Variants in HSDL2 observed in about 807,000 individuals in gnomAD.
HSDL2 encodes hydroxysteroid dehydrogenase like 2.
Under a neutral mutation model 46.3 loss-of-function variants are expected in HSDL2, and 27 were observed. The observed-to-expected ratio is 0.58, with a 90% CI of 0.43 to 0.80. HSDL2 has a LOEUF of 0.80. Ranked by LOEUF, HSDL2 falls within the 30% of genes least tolerant of loss-of-function variation. The probability of loss-of-function intolerance (pLI) is 0.00; values close to 1 mark genes in which losing one functional copy is unlikely to be tolerated. For missense variants in HSDL2, 451 were observed against 502.7 expected (o/e 0.90, Z 0.98); for synonymous variants, 153 against 163.6 (o/e 0.94, Z 0.50).
intron 1 of HSDL2, among the ~76,000 whole-genome samples, chr9:112,387,193 GTATA>G (rs1306719341): frequency 1.3e-5 from 2 of 151,604 alleles, no homozygotes; most frequent in African/African-American, 4.8e-5. Flanking sequence ...ATAGGTGAAA[GTATA>G]TAACCTCTGG....
intron 1 of HSDL2, among the ~76,000 whole-genome samples, chr9:112,401,147 CCTT>C (rs1326769525): frequency 3.3e-5 from 5 of 151,908 alleles, no homozygotes; most frequent in Admixed American, 2.0e-4. Flanking sequence ...TTAGATGTCT[CCTT>C]CTTACTTAGC....
chr9:112,392,224 G>T (rs986433541), intron 1 of HSDL2, among the ~76,000 whole-genome samples: 22 of 152,188 alleles, frequency 1.4e-4, no homozygotes, highest in African/African-American at 4.8e-4. Context: ...CTACTAATAA[G>T]GGTCTAACAA....
At chr9:112,470,091 G>A (rs1004309711) in intron 10 of HSDL2, among the ~76,000 whole-genome samples, 5 of 152,096 alleles carry the variant, frequency 3.3e-5, no homozygotes, top group African/African-American at 7.2e-5. Context: ...ATGAACTATC[G>A]TAAGTTGGAA....
intron 1 of HSDL2, among the ~76,000 whole-genome samples, chr9:112,386,479 C>G (rs1831219758): frequency 2.6e-5 from 4 of 151,800 alleles, no homozygotes. Flanking sequence ...ATATAAAAGT[C>G]AACAAATAAA....
intron 9 of HSDL2, among the ~76,000 whole-genome samples, chr9:112,458,850 G>A (rs1833112693): frequency 6.6e-6 from 1 of 151,638 alleles, no homozygotes; most frequent in South Asian, 2.1e-4. Flanking sequence ...GTGTGGTGGC[G>A]GGCACCTGTA....
chr9:112,403,851 T>G (rs1025167567), intron 1 of HSDL2, 144 bp from the exon 2 acceptor site: 1 of 707,482 alleles, frequency 1.4e-6, no homozygotes, highest in African/African-American at 1.8e-5. Context: ...TGGAGTTATC[T>G]GCCATCAGAT....
At chr9:112,407,189 G>A (rs1831751426) in intron 3 of HSDL2, among the ~76,000 whole-genome samples, 1 of 152,206 alleles carries the variant, frequency 6.6e-6, no homozygotes, top group Admixed American at 6.5e-5. Flanking sequence ...GTCAGAAGAG[G>A]AGAGAAAATG....
intron 4 of HSDL2, among the ~76,000 whole-genome samples, chr9:112,415,644 C>CAT (rs1229385530): frequency 6.6e-6 from 1 of 152,096 alleles, no homozygotes; most frequent in Non-Finnish European, 1.5e-5. Context: ...TTGCGGATAA[C>CAT]CTCAGTTGGG....
chr9:112,412,033 A>T (rs1159969270), intron 4 of HSDL2, among the ~76,000 whole-genome samples: 1 of 152,230 alleles, frequency 6.6e-6, no homozygotes, highest in African/African-American at 2.4e-5. Context: ...ATACAGGTTG[A>T]GTATCCCTGG....
chr9:112,413,632 A>G (rs1277880990), intron 4 of HSDL2, among the ~76,000 whole-genome samples: 2 of 152,076 alleles, frequency 1.3e-5, no homozygotes, highest in Non-Finnish European at 2.9e-5. Context: ...CATTGTTTGT[A>G]TCATGTTAAA....
At chr9:112,420,650 G>A (rs1381190975) in intron 6 of HSDL2, among the ~76,000 whole-genome samples, 4 of 151,882 alleles carry the variant, frequency 2.6e-5, no homozygotes, top group Non-Finnish European at 5.9e-5. Flanking sequence ...CAGCCTCAGC[G>A]ACAGAGTGAG....
At chr9:112,441,613 T>A in intron 7 of HSDL2, 86 bp from the exon 8 acceptor site, 2 of 831,818 alleles carry the variant, frequency 2.4e-6, no homozygotes, top group South Asian at 3.8e-5. Context: ...AGATTTTTAA[T>A]AAAATAGATA....
At chr9:112,394,432 C>G (rs1011541069) in intron 1 of HSDL2, among the ~76,000 whole-genome samples, 1 of 152,186 alleles carries the variant, frequency 6.6e-6, no homozygotes, top group Non-Finnish European at 1.5e-5. Flanking sequence ...TCCAGACATC[C>G]TCTTCCGCCA....
At chr9:112,442,996 A>G (rs2132676381) in intron 8 of HSDL2, among the ~76,000 whole-genome samples, 1 of 152,332 alleles carries the variant, frequency 6.6e-6, no homozygotes, top group South Asian at 2.1e-4. Context: ...ATAGTTACTC[A>G]TAATCCTACT....
intron 1 of HSDL2, among the ~76,000 whole-genome samples, chr9:112,386,375 G>A (rs761293558): frequency 1.6e-4 from 24 of 152,180 alleles, no homozygotes; most frequent in Middle Eastern, 6.8e-3. Flanking sequence ...AAATAATGCT[G>A]TCGTTATTTG....
At chr9:112,390,573 C>T (rs187236849) in intron 1 of HSDL2, among the ~76,000 whole-genome samples, 1 of 152,132 alleles carries the variant, frequency 6.6e-6, no homozygotes, top group Non-Finnish European at 1.5e-5. Context: ...TCACCTCAGC[C>T]TCCTGAGTAG....
intron 10 of HSDL2, among the ~76,000 whole-genome samples, chr9:112,460,485 G>A (rs10739353): frequency 0.96 from 145,437 of 152,258 alleles, 69,524 homozygotes; most frequent in African/African-American, 0.98. Context: ...CTGGTGGCTC[G>A]CGCCTGGAAT....
intron 1 of HSDL2, among the ~76,000 whole-genome samples, chr9:112,402,450 T>C (rs527978168): frequency 6.6e-5 from 10 of 151,704 alleles, no homozygotes; most frequent in African/African-American, 2.2e-4. Flanking sequence ...CCCAGCTACT[T>C]GTGAGGCTGA....
chr9:112,435,392 CAGA>C (rs1832503888), intron 6 of HSDL2, among the ~76,000 whole-genome samples: 1 of 152,080 alleles, frequency 6.6e-6, no homozygotes, highest in Admixed American at 6.5e-5. Context: ...CAATTATGTA[CAGA>C]AAAGTTCTGC....
Sources: gnomAD v4.1 joint callset for allele counts (sites outside exome capture counted in the v4.1 genomes callset) on GRCh38, gnomAD v4.1.1 for gene constraint, MANE v1.5 for transcripts, NCBI Gene and HGNC (gene_info 2026-07-23, HGNC 2026-07-21) for gene names.